Variants in PRELID3A observed in about 807,000 individuals in gnomAD.
PRELID3A encodes the protein PRELI domain containing 3A.
A neutral mutation model predicts 23.0 loss-of-function variants in PRELID3A; 27 were observed. The ratio of observed to expected loss-of-function variants is 1.17; its 90% CI spans 0.87 to 1.62. The LOEUF (loss-of-function observed/expected upper bound fraction) is 1.62, where lower values mean the gene tolerates loss of function less well. Ranked by LOEUF, PRELID3A falls within the 40% of genes most tolerant of loss-of-function variation. PRELID3A has a pLI of 0.00. For synonymous variants in PRELID3A, 87 were observed against 86.4 expected (o/e 1.01, Z -0.04); for missense variants, 231 against 231.4 (o/e 1.00, Z 0.01).
At chr18:12,408,902 G>A (rs1020211441) in intron 1 of PRELID3A, among the ~76,000 whole-genome samples, 15 of 152,090 alleles carry the variant, frequency 9.9e-5, no homozygotes, top group Non-Finnish European at 1.6e-4. Context: ...ATAGAATTGT[G>A]CAAATAAAAA....
chr18:12,425,610 C>T lies in PRELID3A; in HGVS notation c.292-1431C>T, dbSNP rs527451561. ...TCATGCCACTGCACTCCAGCCTGGG[C>T]GACAGAGCGAGACTCCATCTCAAAA... On this transcript the variant is annotated intron_variant, in intron 3 of 6. Coordinates refer to ENST00000440960, the MANE Select transcript of PRELID3A (RefSeq NM_001142405.2). Among the ~76,000 whole-genome samples, 33 of 145,262 alleles carry T rather than the reference C, an allele frequency of 2.3e-4. No individual in the cohort carries two copies. In the East Asian group the frequency reaches 2.5e-3, roughly 11 times the overall value.
chr18:12,421,120 A>G (rs1224664227), intron 2 of PRELID3A, among the ~76,000 whole-genome samples: 1 of 151,906 alleles, frequency 6.6e-6, no homozygotes, highest in Admixed American at 6.6e-5. Flanking sequence ...CCTGCAGTCC[A>G]CACCCTGGCC....
chr18:12,416,299 TTTGTTG>T (rs34515430), intron 1 of PRELID3A, among the ~76,000 whole-genome samples: 1 of 152,058 alleles, frequency 6.6e-6, no homozygotes, highest in Non-Finnish European at 1.5e-5. Flanking sequence ...TTTCTGGGTT[TTTGTTG>T]TTGTTGTTGT....
At chr18:12,410,749 TGC>T in intron 1 of PRELID3A, 1 of 152,158 alleles carries the variant, frequency 6.6e-6, no homozygotes, top group Non-Finnish European at 1.5e-5. Flanking sequence ...CAGGCTGGAG[TGC>T]AGTGGCACGA....
At chr18:12,411,465 CAA>C (rs398059054) in intron 1 of PRELID3A, among the ~76,000 whole-genome samples, 12 of 89,646 alleles carry the variant, frequency 1.3e-4, no homozygotes, top group African/African-American at 2.3e-4. Context: ...GACTCCGTCT[CAA>C]AAAAAAAAAA....
chr18:12,421,687 G>A, intron 3 of PRELID3A, 58 bp downstream of exon 3: 2 of 1,162,498 alleles, frequency 1.7e-6, no homozygotes, highest in Admixed American at 3.5e-5. Flanking sequence ...TGGTGCGTAA[G>A]GCCTTCGTTT....
rs3760553 is a variant in PRELID3A at position 12,429,814 on chromosome 18, C to G, written c.*33+378C>G. Among the ~76,000 whole-genome samples the G allele has an allele frequency of 3.8e-4, 58 of 152,382 alleles. No individual in the cohort carries two copies. In the East Asian group the frequency reaches 7.3e-3, roughly 19 times the overall value. On this transcript the variant is annotated intron_variant, in intron 6 of 6. Coordinates refer to ENST00000440960, the MANE Select transcript of PRELID3A (RefSeq NM_001142405.2). ...CCTTTGGGTGCATCTGCATCTGCTGCTGTGAGCGAGGTCCTGTGCCCACCT... is the reference window on the plus strand; with the variant it reads ...CCTTTGGGTGCATCTGCATCTGCTGGTGTGAGCGAGGTCCTGTGCCCACCT...
chr18:12,423,514 C>T (rs1347373220), intron 3 of PRELID3A, among the ~76,000 whole-genome samples: 2 of 152,050 alleles, frequency 1.3e-5, no homozygotes, highest in African/African-American at 4.8e-5. Context: ...CTGGTTAGGG[C>T]GCCAGGCTGA....
At chr18:12,430,863 T>C (rs2030567086) in intron 6 of PRELID3A, among the ~76,000 whole-genome samples, 1 of 149,444 alleles carries the variant, frequency 6.7e-6, no homozygotes, top group African/African-American at 2.5e-5. Context: ...AGGTGTGTGA[T>C]GTGTATGTGT....
intron 1 of PRELID3A, among the ~76,000 whole-genome samples, chr18:12,414,094 G>C (rs2029880144): frequency 6.6e-6 from 1 of 152,012 alleles, no homozygotes. Context: ...GAGAGACAGG[G>C]GCTCCCACTC....
intron 3 of PRELID3A, chr18:12,422,475 C>G (rs2030217905): frequency 6.6e-6 from 1 of 152,062 alleles, no homozygotes; most frequent in Admixed American, 6.6e-5. Context: ...TCTCCTGCCT[C>G]AGCCTCCTGA....
chr18:12,413,133 C>T (rs1909970987), intron 1 of PRELID3A, among the ~76,000 whole-genome samples: 1 of 152,130 alleles, frequency 6.6e-6, no homozygotes, highest in African/African-American at 2.4e-5. Context: ...ACAAAAGAAA[C>T]GGTAGCTTCT....
intron 1 of PRELID3A, among the ~76,000 whole-genome samples, chr18:12,418,028 C>A (rs546109895): frequency 4.5e-4 from 69 of 152,258 alleles, no homozygotes; most frequent in African/African-American, 1.7e-3. Flanking sequence ...CTCATCTGGG[C>A]CCTGCTGCTA....
At chr18:12,420,291 C>T in intron 1 of PRELID3A, 34 bp from the exon 2 acceptor site, 2 of 1,562,692 alleles carry the variant, frequency 1.3e-6, no homozygotes, top group East Asian at 2.4e-5. Context: ...CCGGCCCCGG[C>T]GCTTGCTCAC....
At chr18:12,419,052 G>A (rs1380330811) in intron 1 of PRELID3A, among the ~76,000 whole-genome samples, 3 of 152,128 alleles carry the variant, frequency 2.0e-5, no homozygotes, top group Non-Finnish European at 2.9e-5. Context: ...GGCTGGGCAC[G>A]GTGGCTCACG....
chr18:12,415,790 A>C (rs986732233), intron 1 of PRELID3A, among the ~76,000 whole-genome samples: 1 of 152,122 alleles, frequency 6.6e-6, no homozygotes, highest in Non-Finnish European at 1.5e-5. Context: ...TGGTGCTTAG[A>C]GAGTCCTTTG....
chr18:12,414,229 G>T (rs542571216), intron 1 of PRELID3A, among the ~76,000 whole-genome samples: 1 of 152,072 alleles, frequency 6.6e-6, no homozygotes, highest in African/African-American at 2.4e-5. Context: ...GAGTACTCAG[G>T]GGTCAAGCAG....
intron 2 of PRELID3A, chr18:12,421,257 C>T: frequency 2.4e-6 from 1 of 408,430 alleles, no homozygotes; most frequent in Non-Finnish European, 4.4e-6. Flanking sequence ...AGACTCCGCC[C>T]GGCAGAGGGG....
chr18:12,410,093 A>G (rs887337759), intron 1 of PRELID3A, among the ~76,000 whole-genome samples: 3 of 152,228 alleles, frequency 2.0e-5, no homozygotes, highest in Non-Finnish European at 2.9e-5. Flanking sequence ...TCATCCTGCA[A>G]TATGGGGTGT....
Sources: gnomAD v4.1 joint callset for allele counts (sites outside exome capture counted in the v4.1 genomes callset) on GRCh38, gnomAD v4.1.1 for gene constraint, MANE v1.5 for transcripts, NCBI Gene and HGNC (gene_info 2026-07-23, HGNC 2026-07-21) for gene names.